The following PANK2 variants were observed in gnomAD, a reference collection of about 807,000 sequenced individuals.
PANK2 encodes the protein pantothenate kinase 2, also known as pantothenate kinase 2, mitochondrial.
Under a neutral mutation model 43.1 loss-of-function variants are expected in PANK2, and 36 were observed. That is an observed-to-expected ratio of 0.84 (90% confidence interval 0.64 to 1.10). PANK2 has a LOEUF of 1.10. Among genes scored for constraint, PANK2 ranks in the 50% least tolerant of loss-of-function variants. The probability of loss-of-function intolerance (pLI) is 0.00; values close to 1 mark genes in which losing one functional copy is unlikely to be tolerated. For synonymous variants in PANK2, 281 were observed against 238.2 expected (o/e 1.18, Z -1.66); for missense variants, 576 against 593.3 (o/e 0.97, Z 0.30).
intron 3 of PANK2, 144 bp downstream of exon 3, chr20:3,910,974 C>G (rs2146867983): frequency 1.9e-6 from 2 of 1,074,940 alleles, no homozygotes; most frequent in East Asian, 5.0e-5. Flanking sequence ...TTTGAAAATT[C>G]TGATTTTATG....
chr20:3,901,678 TA>T (rs1186575405), intron 1 of PANK2: 1 of 852,364 alleles, frequency 1.2e-6, no homozygotes, highest in Non-Finnish European at 1.4e-6. Context: ...GTTTATTTCT[TA>T]AAGCTCTTGG....
chr20:3,892,212 T>C (rs911167620), intron 1 of PANK2, among the ~76,000 whole-genome samples: 27 of 151,856 alleles, frequency 1.8e-4, no homozygotes, highest in Non-Finnish European at 3.2e-4. Flanking sequence ...GGCGTGGTGG[T>C]GCATGCCTGT....
In PANK2 at chr20:3,928,949, A is replaced by G. The variant is rs1014512618; in HGVS notation, c.*5655A>G. ...CTGCAACTTCTGTCTCCCGGGTTCA[A>G]TCAATTCTCCTGTCCCAGCCTCCTG... On this transcript the variant is annotated 3_prime_UTR_variant, in exon 7 of 7. Transcript: ENST00000610179. The G allele has an allele frequency of 1.1e-4, 17 of 151,740 alleles. No homozygotes were observed. The highest frequency in any genetic ancestry group is 3.4e-3 in the Middle Eastern group (1 of 292). The allele number at this position is 151,740 out of a possible 1,614,324, so 9.4% of individuals were successfully genotyped here.
chr20:3,896,041 A>T (rs2090201270), intron 1 of PANK2, among the ~76,000 whole-genome samples: 1 of 151,518 alleles, frequency 6.6e-6, no homozygotes, highest in Admixed American at 6.6e-5. Flanking sequence ...AATTGAGCAC[A>T]CTTTTAAAAG....
intron 1 of PANK2, among the ~76,000 whole-genome samples, chr20:3,899,915 A>G (rs143951281): frequency 0.011 from 1,722 of 151,676 alleles, 21 homozygotes; most frequent in African/African-American, 0.024. Flanking sequence ...CACCATTCAC[A>G]GGATGGTCTC....
At chr20:3,922,332 C>T (rs2090659515) in intron 6 of PANK2, among the ~76,000 whole-genome samples, 1 of 152,302 alleles carries the variant, frequency 6.6e-6, no homozygotes, top group East Asian at 1.9e-4. Flanking sequence ...CTCTAATGTG[C>T]TATTCCTGTG....
intron 1 of PANK2, 100 bp from the exon 2 acceptor site, chr20:3,907,826 C>G: frequency 9.5e-7 from 1 of 1,052,948 alleles, no homozygotes; most frequent in East Asian, 2.6e-5. Flanking sequence ...GAATTATGTT[C>G]TTTGGAAACC....
intron 1 of PANK2, among the ~76,000 whole-genome samples, chr20:3,890,434 A>G (rs1263238905): frequency 6.6e-6 from 1 of 152,176 alleles, no homozygotes; most frequent in East Asian, 1.9e-4. Flanking sequence ...CTCCCAGAGA[A>G]TCCGTTTCCC....
rs1285554646 is a variant in PANK2 at position 3,923,607 on chromosome 20, C to T, written c.*313C>T. On this transcript the variant is annotated 3_prime_UTR_variant, in exon 7 of 7. Coordinates refer to ENST00000610179, the MANE Select transcript of PANK2 (RefSeq NM_001386393.1). ...TCATTGGAAGTGCTTCTGAAGAGAG[C>T]TGCTCTGTGTTCAGTTGACTGGTTT... 8 of 439,644 alleles carry T rather than the reference C, an allele frequency of 1.8e-5. No homozygotes were observed. In the East Asian group the frequency reaches 3.6e-4, roughly 20 times the overall value. The allele number at this position is 439,644 out of a possible 1,614,324, so 27.2% of individuals were successfully genotyped here.
At chr20:3,890,076 C>A in intron 1 of PANK2, 1 of 562,868 alleles carries the variant, frequency 1.8e-6, no homozygotes, top group Non-Finnish European at 2.9e-6. Flanking sequence ...CACCTCCTTT[C>A]CTCCCAAATC....
At chr20:3,889,127 A>C (rs529957037), upstream of PANK2, 2 of 1,555,164 alleles carry the variant, frequency 1.3e-6, no homozygotes, top group East Asian at 2.4e-5. Context: ...CCTTCCACCC[A>C]CGCGTCCATT....
At chr20:3,891,372 A>T (rs574460480) in intron 1 of PANK2, 4 of 152,154 alleles carry the variant, frequency 2.6e-5, no homozygotes, top group African/African-American at 9.7e-5. Flanking sequence ...GCAGTCGTCT[A>T]CTAAGAGCTT....
intron 1 of PANK2, among the ~76,000 whole-genome samples, chr20:3,895,977 G>T (rs1336747533): frequency 6.6e-6 from 1 of 152,072 alleles, no homozygotes; most frequent in African/African-American, 2.4e-5. Context: ...ACATGGATTT[G>T]CGATGTCATT....
chr20:3,923,364 C>T lies in PANK2; in HGVS notation c.*70C>T. On this transcript the variant is annotated 3_prime_UTR_variant, in exon 7 of 7. Coordinates refer to ENST00000610179, the MANE Select transcript of PANK2 (RefSeq NM_001386393.1). ...TGTGGACTTTCATTTTTTTAAGAGA[C>T]TTACTCAATTTCATGACTGTACTAC... 1.3e-6 allele frequency: 2 copies of T among 1,497,970 alleles called. No homozygotes were observed. Among genetic ancestry groups the T allele is most frequent in the South Asian group, 1.1e-5 (1 of 88,762 alleles). 92.8% of individuals were successfully genotyped at this position (1,497,970 alleles called of 1,614,324 possible). A position where few individuals can be genotyped will look rare whatever the true frequency, so the allele number is the denominator to read the frequency against.
rs2090411073 is a variant in PANK2 at position 3,907,836 on chromosome 20, C to G, written c.299-90C>G. ...GCCTAGAATTATGTTCTTTGGAAACCCTAGCGTTTGAAATAAGTTGCTACT... is the reference window on the plus strand; with the variant it reads ...GCCTAGAATTATGTTCTTTGGAAACGCTAGCGTTTGAAATAAGTTGCTACT... On this transcript the variant is annotated intron_variant, in intron 1 of 6. Transcript: ENST00000610179. 3 of 1,117,452 alleles carry G rather than the reference C, an allele frequency of 2.7e-6. No homozygotes were observed. In the Admixed American group the frequency reaches 6.0e-5, roughly 22 times the overall value. 69.2% of individuals were successfully genotyped at this position (1,117,452 alleles called of 1,614,324 possible). A position where few individuals can be genotyped will look rare whatever the true frequency, so the allele number is the denominator to read the frequency against.
chr20:3,903,996 A>G (rs916228236), intron 1 of PANK2, among the ~76,000 whole-genome samples: 2 of 151,782 alleles, frequency 1.3e-5, no homozygotes, highest in Admixed American at 6.6e-5. Context: ...TGATTTCACC[A>G]TATTGGTCAG....
chr20:3,929,852 G>A lies in PANK2; in HGVS notation c.*6558G>A, dbSNP rs1461750245. On this transcript the variant is annotated 3_prime_UTR_variant, in exon 7 of 7. Coordinates refer to ENST00000610179, the MANE Select transcript of PANK2 (RefSeq NM_001386393.1). ...ATTTGTACAGAAAACTAAAATTTCA[G>A]TATGTTGCAATAAAATGAAAATATG... 1 of 152,240 alleles carries A rather than the reference G, an allele frequency of 6.6e-6. No homozygotes were observed. The highest frequency in any genetic ancestry group is 2.4e-5 in the African/African-American group (1 of 41,460). 9.4% of individuals were successfully genotyped at this position (152,240 alleles called of 1,614,324 possible).
At chr20:3,921,919 C>G (rs1315488890) in intron 6 of PANK2, 1 of 152,210 alleles carries the variant, frequency 6.6e-6, no homozygotes, top group African/African-American at 2.4e-5. Flanking sequence ...GCCATATTGG[C>G]CAGGCTGGTC....
chr20:3,898,700 G>T (rs1446732788), intron 1 of PANK2, among the ~76,000 whole-genome samples: 1 of 152,032 alleles, frequency 6.6e-6, no homozygotes, highest in African/African-American at 2.4e-5. Context: ...TTCTTTGTTT[G>T]TTGGATTAAT....
Sources: allele counts gnomAD v4.1 joint callset (sites outside exome capture counted in the v4.1 genomes callset), GRCh38; gene constraint gnomAD v4.1.1; transcripts MANE v1.5; gene names NCBI Gene and HGNC (gene_info 2026-07-23, HGNC 2026-07-21).